Variants in RGS6 observed in about 807,000 individuals in gnomAD.
RGS6 encodes the protein regulator of G protein signaling 6.
RGS6 carries 30 observed loss-of-function variants against 78.5 expected under a neutral mutation model. The observed-to-expected ratio is 0.38, with a 90% confidence interval of 0.29 to 0.52. The LOEUF is 0.52. RGS6 is among the 20% of genes least tolerant of loss of function. The pLI, the probability that RGS6 is intolerant of heterozygous loss-of-function variation, is 0.85. For synonymous variants in RGS6, 206 were observed against 206.0 expected (o/e 1.00, Z 0.00); for missense variants, 495 against 609.7 (o/e 0.81, Z 1.98).
intron 2 of RGS6, among the ~76,000 whole-genome samples, chr14:72,334,027 G>T (rs1355605980): frequency 6.6e-6 from 1 of 152,190 alleles, no homozygotes; most frequent in Non-Finnish European, 1.5e-5. Flanking sequence ...GATTGTGCCG[G>T]CCTTTCTCCA....
intron 2 of RGS6, among the ~76,000 whole-genome samples, chr14:72,058,577 A>G (rs2093734914): frequency 6.6e-6 from 1 of 152,056 alleles, no homozygotes; most frequent in Admixed American, 6.6e-5. Context: ...ATTAGTTGTC[A>G]TCTAGTCTAA....
intron 2 of RGS6, among the ~76,000 whole-genome samples, chr14:72,297,164 C>T (rs927468712): frequency 4.6e-5 from 7 of 152,010 alleles, no homozygotes; most frequent in African/African-American, 1.4e-4. Flanking sequence ...AAACCACACT[C>T]TTGATTTGTA....
chr14:72,580,928 A>T, the RGS6 span, among the ~76,000 whole-genome samples: 1 of 152,328 alleles, frequency 6.6e-6, no homozygotes, highest in African/African-American at 2.4e-5. Flanking sequence ...TCTCATATTG[A>T]GTCAGGGTCC....
intron 2 of RGS6, among the ~76,000 whole-genome samples, chr14:72,041,864 C>G (rs2092431571): frequency 6.6e-6 from 1 of 152,002 alleles, no homozygotes; most frequent in Non-Finnish European, 1.5e-5. Context: ...CCAGGAAGAT[C>G]AAATTTTATA....
chr14:72,540,273 A>G, intron 17 of RGS6, 179 bp downstream of exon 17: 2 of 1,524,368 alleles, frequency 1.3e-6, no homozygotes, highest in Non-Finnish European at 1.7e-6. Flanking sequence ...TCTTCTAGGG[A>G]TGAAAATGCA....
In RGS6 at chr14:72,159,409, A is replaced by T. The variant is rs2096822109; in HGVS notation, c.85-192686A>T. Among the ~76,000 whole-genome samples the T allele has an allele frequency of 2.0e-5, 3 of 152,218 alleles. No homozygotes were observed. The South Asian group carries it at 6.2e-4, about 32-fold the overall frequency. ...ATCTGGAGAAGAGAAACAATGAAAG[A>T]GGCAAACGCTGGATGAGAAGGACCT... is the stretch of plus-strand genomic sequence containing the variant. On this transcript the variant is annotated intron_variant, in intron 2 of 17. Coordinates refer to ENST00000553525, the MANE Select transcript of RGS6 (RefSeq NM_001204424.2).
chr14:72,145,475 T>C (rs2096595824), intron 2 of RGS6, among the ~76,000 whole-genome samples: 1 of 152,166 alleles, frequency 6.6e-6, no homozygotes, highest in Non-Finnish European at 1.5e-5. Flanking sequence ...ATTTCCTCAG[T>C]TAAAATTTTG....
At chr14:72,034,743 ATTC>A (rs1371408080) in intron 2 of RGS6, among the ~76,000 whole-genome samples, 2 of 152,066 alleles carry the variant, frequency 1.3e-5, no homozygotes, top group Admixed American at 1.3e-4. Context: ...AGTGGTGCCA[ATTC>A]TTCTTTAAAT....
intron 2 of RGS6, among the ~76,000 whole-genome samples, chr14:72,106,163 C>G (rs895841557): frequency 1.3e-5 from 2 of 152,154 alleles, no homozygotes. Context: ...TTGATAAGAA[C>G]TTTTTTTCTA....
intron 2 of RGS6, among the ~76,000 whole-genome samples, chr14:72,221,337 T>C (rs1254615572): frequency 6.6e-6 from 1 of 152,238 alleles, no homozygotes; most frequent in African/African-American, 2.4e-5. Flanking sequence ...GAATACTACA[T>C]TTCCCAAGCT....
At chr14:72,289,326 T>C (rs920452496) in intron 2 of RGS6, among the ~76,000 whole-genome samples, 5 of 82,580 alleles carry the variant, frequency 6.1e-5, no homozygotes. Flanking sequence ...TTATTTTCTT[T>C]CTTTCTCTCT....
chr14:72,016,657 G>T (rs535931582), intron 2 of RGS6, among the ~76,000 whole-genome samples: 2 of 152,120 alleles, frequency 1.3e-5, no homozygotes, highest in African/African-American at 4.8e-5. Context: ...GAGCCACCGC[G>T]CCCGACTGTT....
chr14:71,890,245 C>T, the RGS6 span, among the ~76,000 whole-genome samples: 5 of 152,090 alleles, frequency 3.3e-5, no homozygotes, highest in Admixed American at 2.0e-4. Flanking sequence ...TTTAATGCTA[C>T]GTGGAAGGTA....
chr14:72,381,748 T>G (rs75647977), intron 3 of RGS6, among the ~76,000 whole-genome samples: 2,766 of 152,186 alleles, frequency 0.018, 96 homozygotes, highest in African/African-American at 0.062. Flanking sequence ...GAATGATAAA[T>G]ACTGTGGTAA....
chr14:72,629,583 C>G, the RGS6 span: 1 of 1,506,116 alleles, frequency 6.6e-7, no homozygotes, highest in African/African-American at 1.4e-5. Context: ...GACCCCAGCT[C>G]TGTGGATTTC....
chr14:71,945,565 A>G (rs1430245632), intron 1 of RGS6, among the ~76,000 whole-genome samples: 3 of 152,244 alleles, frequency 2.0e-5, no homozygotes, highest in African/African-American at 7.2e-5. Flanking sequence ...TTTTACTCCC[A>G]GAAATACATT....
At chr14:72,279,724 G>A (rs938882718) in intron 2 of RGS6, among the ~76,000 whole-genome samples, 2 of 152,176 alleles carry the variant, frequency 1.3e-5, no homozygotes, top group African/African-American at 2.4e-5. Flanking sequence ...GAGTGATTTG[G>A]CGATGGGGTG....
At chr14:72,418,171 C>T (rs1055884922) in intron 3 of RGS6, among the ~76,000 whole-genome samples, 38 of 146,476 alleles carry the variant, frequency 2.6e-4, no homozygotes, top group Non-Finnish European at 5.3e-4. Flanking sequence ...TCAAAATAAA[C>T]TTTTTTTTTT....
chr14:72,155,996 TACTG>T (rs1245673359), intron 2 of RGS6, among the ~76,000 whole-genome samples: 6 of 152,232 alleles, frequency 3.9e-5, no homozygotes, highest in South Asian at 4.1e-4. Context: ...TTTTAAAAAA[TACTG>T]ACACTTGGGT....
Sources: gnomAD v4.1 joint callset for allele counts (sites outside exome capture counted in the v4.1 genomes callset) on GRCh38, gnomAD v4.1.1 for gene constraint, MANE v1.5 for transcripts, NCBI Gene and HGNC (gene_info 2026-07-23, HGNC 2026-07-21) for gene names.